PDGFD: variants seen among roughly 807,000 people sequenced by gnomAD.
PDGFD encodes the protein platelet-derived growth factor D.
PDGFD carries 30 observed loss-of-function variants against 44.7 expected under a neutral mutation model. That is an observed-to-expected ratio of 0.67 (90% CI 0.50 to 0.91). The LOEUF (loss-of-function observed/expected upper bound fraction) is 0.91, where lower values mean the gene tolerates loss of function less well. PDGFD is among the 40% of genes least tolerant of loss of function. The probability of loss-of-function intolerance (pLI) is 0.00; values close to 1 mark genes in which losing one functional copy is unlikely to be tolerated. For synonymous variants in PDGFD, 173 were observed against 168.4 expected, an observed-to-expected ratio of 1.03 and a Z score of -0.21; for missense variants, 445 against 457.8, an observed-to-expected ratio of 0.97 and a Z score of 0.25.
At chr11:103,961,324 A>T (rs1858932284) in intron 3 of PDGFD, among the ~76,000 whole-genome samples, 1 of 152,188 alleles carries the variant, frequency 6.6e-6, no homozygotes, top group South Asian at 2.1e-4. Flanking sequence ...GAATAATCCA[A>T]TCTATAGAAA....
intron 1 of PDGFD, chr11:104,037,566 C>T: frequency 6.2e-7 from 1 of 1,614,028 alleles, no homozygotes; most frequent in Non-Finnish European, 8.5e-7. Flanking sequence ...ACATTAACTG[C>T]AAAGTGAATG....
chr11:104,028,626 T>G (rs1860081453), intron 1 of PDGFD, among the ~76,000 whole-genome samples: 1 of 150,442 alleles, frequency 6.6e-6, no homozygotes, highest in Non-Finnish European at 1.5e-5. Context: ...AATTTACAAG[T>G]TATCCTTGGA....
At chr11:104,060,936 T>G (rs993540512) in intron 1 of PDGFD, among the ~76,000 whole-genome samples, 1 of 152,218 alleles carries the variant, frequency 6.6e-6, no homozygotes, top group African/African-American at 2.4e-5. Context: ...GCAACCATCA[T>G]CACCAACTAT....
chr11:103,939,420 T>C (rs1047407412), intron 5 of PDGFD, among the ~76,000 whole-genome samples: 1 of 152,204 alleles, frequency 6.6e-6, no homozygotes, highest in Non-Finnish European at 1.5e-5. Flanking sequence ...CCTGAGACTT[T>C]GCTGAAATTG....
intron 1 of PDGFD, among the ~76,000 whole-genome samples, chr11:104,082,763 C>T (rs1222918207): frequency 3.3e-5 from 5 of 152,072 alleles, no homozygotes; most frequent in African/African-American, 1.2e-4. Flanking sequence ...TCCCAAGTAG[C>T]TAGGGCTACA....
intron 1 of PDGFD, among the ~76,000 whole-genome samples, chr11:104,151,193 T>C (rs1386517855): frequency 6.6e-6 from 1 of 152,078 alleles, no homozygotes; most frequent in Non-Finnish European, 1.5e-5. Context: ...CTTTTCCTTC[T>C]TTCTTATCTT....
At chr11:104,109,461 TA>T (rs888644126) in intron 1 of PDGFD, among the ~76,000 whole-genome samples, 14 of 151,914 alleles carry the variant, frequency 9.2e-5, no homozygotes, top group African/African-American at 3.1e-4. Flanking sequence ...TGATGTATGC[TA>T]AAAAAAAGTC....
chr11:103,927,866 T>C (rs922536000), intron 5 of PDGFD, among the ~76,000 whole-genome samples: 1 of 152,236 alleles, frequency 6.6e-6, no homozygotes, highest in Non-Finnish European at 1.5e-5. Context: ...CTATAACATG[T>C]AATCATTTGA....
intron 1 of PDGFD, among the ~76,000 whole-genome samples, chr11:104,102,951 A>C (rs1416274558): frequency 6.6e-6 from 1 of 152,108 alleles, no homozygotes; most frequent in Non-Finnish European, 1.5e-5. Context: ...GAGGGGAGGG[A>C]TAGCATTAGG....
chr11:103,991,207 T>C (rs2134359321), intron 3 of PDGFD, among the ~76,000 whole-genome samples: 1 of 152,214 alleles, frequency 6.6e-6, no homozygotes, highest in South Asian at 2.1e-4. Flanking sequence ...TTGATAATAT[T>C]GCTTTTGTTT....
chr11:104,137,728 C>CTTTTTTTTTTT (rs5794295), intron 1 of PDGFD, among the ~76,000 whole-genome samples: 1 of 76,618 alleles, frequency 1.3e-5, no homozygotes, highest in African/African-American at 4.7e-5. Flanking sequence ...TAGATCACCA[C>CTTTTTTTTTTT]TTTTTTTTTT....
intron 1 of PDGFD, among the ~76,000 whole-genome samples, chr11:104,021,107 G>A (rs537763771): frequency 1.6e-4 from 24 of 152,212 alleles, no homozygotes; most frequent in African/African-American, 5.8e-4. Context: ...TCTTTTTGTG[G>A]ATCAAAAGCA....
intron 3 of PDGFD, among the ~76,000 whole-genome samples, chr11:103,948,292 G>A (rs747880257): frequency 6.6e-6 from 1 of 152,124 alleles, no homozygotes; most frequent in Non-Finnish European, 1.5e-5. Context: ...ACAAATATAA[G>A]GAAGGATGGC....
chr11:103,943,791 T>C, intron 4 of PDGFD, 141 bp from the exon 5 acceptor site: 1 of 638,020 alleles, frequency 1.6e-6, no homozygotes, highest in South Asian at 2.3e-5. Flanking sequence ...AAAAACAACA[T>C]GGTATTGTCT....
intron 3 of PDGFD, among the ~76,000 whole-genome samples, chr11:103,950,867 T>C (rs1858746313): frequency 6.6e-6 from 1 of 152,226 alleles, no homozygotes; most frequent in African/African-American, 2.4e-5. Context: ...GTAGCCTTAG[T>C]TATTTAGATT....
At chr11:104,126,572 G>T (rs1157629847) in intron 1 of PDGFD, among the ~76,000 whole-genome samples, 1 of 152,092 alleles carries the variant, frequency 6.6e-6, no homozygotes, top group Non-Finnish European at 1.5e-5. Flanking sequence ...AGACGCTAAA[G>T]AAATAAACAT....
chr11:104,017,531 A>G (rs1459965358), intron 1 of PDGFD, among the ~76,000 whole-genome samples: 1 of 152,170 alleles, frequency 6.6e-6, no homozygotes, highest in Non-Finnish European at 1.5e-5. Flanking sequence ...GTTCTGCCCG[A>G]TCCAACATCC....
intron 1 of PDGFD, among the ~76,000 whole-genome samples, chr11:104,116,669 CA>C (rs1029907259): frequency 2.6e-5 from 4 of 151,994 alleles, no homozygotes; most frequent in Non-Finnish European, 4.4e-5. Context: ...GACAACACAT[CA>C]AAAAGATCAC....
chr11:103,950,058 T>TGAGAATGGACCGCATGAGA (rs1182371975), intron 3 of PDGFD, among the ~76,000 whole-genome samples: 1 of 152,122 alleles, frequency 6.6e-6, no homozygotes, highest in African/African-American at 2.4e-5. Flanking sequence ...GTTTGCTACA[T>TGAGAATGGACCGCATGAGA]GAGAATGGAC....
Sources: gnomAD v4.1 joint callset for allele counts (sites outside exome capture counted in the v4.1 genomes callset) on GRCh38, gnomAD v4.1.1 for gene constraint, MANE v1.5 for transcripts, NCBI Gene and HGNC (gene_info 2026-07-23, HGNC 2026-07-21) for gene names.